The following JARID2 variants were observed in gnomAD, a reference collection of about 807,000 sequenced individuals.
JARID2 encodes jumonji and AT-rich interaction domain containing 2.
A neutral mutation model predicts 125.6 loss-of-function variants in JARID2; 21 were observed. That is an observed-to-expected ratio of 0.17 (90% confidence interval 0.12 to 0.24). The LOEUF is 0.24. Among genes scored for constraint, JARID2 ranks in the 10% least tolerant of loss-of-function variants. JARID2 has a pLI of 1.00. For synonymous variants in JARID2, 736 were observed against 661.6 expected, an observed-to-expected ratio of 1.11 and a Z score of -1.73; for missense variants, 1,303 against 1,639.6, an observed-to-expected ratio of 0.79 and a Z score of 3.55.
At chr6:15,248,752 C>T (rs1759306241) in intron 1 of JARID2, 1 of 203,574 alleles carries the variant, frequency 4.9e-6, no homozygotes, top group Non-Finnish European at 8.7e-6. Flanking sequence ...TGTGACGTCA[C>T]AAAGGGACGG....
chr6:15,415,131 G>T (rs959796217), intron 3 of JARID2, among the ~76,000 whole-genome samples: 1 of 152,212 alleles, frequency 6.6e-6, no homozygotes, highest in African/African-American at 2.4e-5. Context: ...AGGGTTGGGG[G>T]TAAGGTCACC....
intron 1 of JARID2, among the ~76,000 whole-genome samples, chr6:15,297,679 G>T (rs3759): frequency 0.16 from 23,585 of 151,914 alleles, 1,952 homozygotes; most frequent in East Asian, 0.25. Context: ...CCCCTACTCA[G>T]TGGGGTTGGT....
At chr6:15,346,457 T>A (rs1351538534) in intron 1 of JARID2, among the ~76,000 whole-genome samples, 1 of 152,232 alleles carries the variant, frequency 6.6e-6, no homozygotes, top group African/African-American at 2.4e-5. Flanking sequence ...CTTGGCTTTC[T>A]CAGATTCTGG....
chr6:15,291,061 G>GT (rs1437405620), intron 1 of JARID2, among the ~76,000 whole-genome samples: 2 of 152,110 alleles, frequency 1.3e-5, no homozygotes, highest in Non-Finnish European at 2.9e-5. Context: ...TAGCAAAACT[G>GT]TGTCTCCACC....
intron 1 of JARID2, among the ~76,000 whole-genome samples, chr6:15,266,589 G>C (rs974118073): frequency 6.6e-6 from 1 of 152,204 alleles, no homozygotes; most frequent in Admixed American, 6.5e-5. Flanking sequence ...GGTGTTTGTA[G>C]TATATTTTGA....
chr6:15,403,147 T>C (rs1396063243), intron 2 of JARID2, among the ~76,000 whole-genome samples: 1 of 152,226 alleles, frequency 6.6e-6, no homozygotes, highest in African/African-American at 2.4e-5. Context: ...AAATGAGCAG[T>C]ACATTTATGT....
At chr6:15,275,521 A>ACCTCC (rs1228449106) in intron 1 of JARID2, among the ~76,000 whole-genome samples, 1 of 12,622 alleles carries the variant, frequency 7.9e-5, no homozygotes, top group African/African-American at 3.5e-4. Flanking sequence ...AAGTCCATTT[A>ACCTCC]CCGCCCCCCC....
At chr6:15,300,724 A>T (rs3117776) in intron 1 of JARID2, among the ~76,000 whole-genome samples, 14,291 of 78,562 alleles carry the variant, frequency 0.18, 578 homozygotes, top group East Asian at 0.28. Flanking sequence ...TGTGTGTGTG[A>T]GAGAGAGAGA....
chr6:15,252,245 A>G (rs1248252646), intron 1 of JARID2, among the ~76,000 whole-genome samples: 1 of 152,206 alleles, frequency 6.6e-6, no homozygotes, highest in Admixed American at 6.5e-5. Context: ...ATGGCCTCAT[A>G]TCAAAAAAAC....
At chr6:15,442,595 C>T (rs1465270740) in intron 3 of JARID2, among the ~76,000 whole-genome samples, 3 of 152,208 alleles carry the variant, frequency 2.0e-5, no homozygotes, top group Non-Finnish European at 4.4e-5. Context: ...AGTTGTATCC[C>T]TCATAACAAC....
In JARID2 at chr6:15,496,376, C is replaced by G. The variant is rs751358037; in HGVS notation, c.1151C>G (p.Ala384Gly). 5 of 1,614,122 alleles carry G rather than the reference C, an allele frequency of 3.1e-6. No homozygotes were observed. In the East Asian group the frequency reaches 8.9e-5, roughly 29 times the overall value. ...TCAGGGAAAACTGAAAGTAGCAATG[C>G]AAAAACCCGCAAACAGGTGCTATCC... Reference protein sequence around the residue: ...TISGKTESSNAKTRKQVLSLG... With the variant: ...TISGKTESSNGKTRKQVLSLG... The change falls in exon 7 of 18, where the codon GCA becomes GGA. Residue 384 changes from alanine to glycine, a missense_variant. Around this residue, in one of 11 missense-constraint regions of JARID2, gnomAD observed 651 missense variants for 581.6 expected, o/e 1.12. Transcript: ENST00000341776.
intron 3 of JARID2, among the ~76,000 whole-genome samples, chr6:15,412,354 GC>G (rs1415160138): frequency 6.6e-6 from 1 of 152,118 alleles, no homozygotes; most frequent in Non-Finnish European, 1.5e-5. Flanking sequence ...TGTCACCCGG[GC>G]TGGAGTGTGG....
chr6:15,430,011 G>A (rs1313350532), intron 3 of JARID2, among the ~76,000 whole-genome samples: 1 of 152,140 alleles, frequency 6.6e-6, no homozygotes, highest in Non-Finnish European at 1.5e-5. Context: ...AATTAGTCAT[G>A]CCAAGAGAAG....
chr6:15,441,970 T>G (rs1357959530), intron 3 of JARID2, among the ~76,000 whole-genome samples: 1 of 152,044 alleles, frequency 6.6e-6, no homozygotes, highest in African/African-American at 2.4e-5. Flanking sequence ...TTTTATATTT[T>G]TAGTAGAGAC....
intron 3 of JARID2, among the ~76,000 whole-genome samples, chr6:15,444,573 A>G (rs1357466611): frequency 6.6e-6 from 1 of 151,432 alleles, no homozygotes; most frequent in Non-Finnish European, 1.5e-5. Context: ...CTGGGGGGCG[A>G]ATGGAGTGGG....
At chr6:15,445,408 CAACA>C (rs913504559) in intron 3 of JARID2, among the ~76,000 whole-genome samples, 32 of 152,274 alleles carry the variant, frequency 2.1e-4, no homozygotes, top group Non-Finnish European at 3.7e-4. Flanking sequence ...TTTATTTTAA[CAACA>C]AACAATGAAG....
At chr6:15,257,707 A>C (rs1759717939) in intron 1 of JARID2, among the ~76,000 whole-genome samples, 1 of 152,212 alleles carries the variant, frequency 6.6e-6, no homozygotes, top group Admixed American at 6.5e-5. Flanking sequence ...AGGCTATACT[A>C]ATTTACAGTC....
chr6:15,342,190 CT>C (rs1393918371), intron 1 of JARID2, among the ~76,000 whole-genome samples: 1 of 152,218 alleles, frequency 6.6e-6, no homozygotes, highest in Non-Finnish European at 1.5e-5. Flanking sequence ...TTTTCTGCAT[CT>C]TTCCTTGTAA....
intron 3 of JARID2, among the ~76,000 whole-genome samples, chr6:15,445,239 G>A (rs1342449098): frequency 6.6e-6 from 1 of 152,130 alleles, no homozygotes; most frequent in African/African-American, 2.4e-5. Flanking sequence ...AGGGGCACAG[G>A]GAGGGTATTA....
Sources: allele counts gnomAD v4.1 joint callset (sites outside exome capture counted in the v4.1 genomes callset), GRCh38; gene constraint gnomAD v4.1.1; regional missense constraint gnomAD v4.1.1; transcripts MANE v1.5; gene names NCBI Gene and HGNC (gene_info 2026-07-23, HGNC 2026-07-21).